The following IL7 variants were observed in gnomAD, a reference collection of about 807,000 sequenced individuals.
IL7 encodes the protein interleukin 7, also known as interleukin-7.
In IL7, 3 loss-of-function variants were observed where a neutral mutation model predicts 21.6. That is an observed-to-expected ratio of 0.14 (90% CI 0.06 to 0.36). The LOEUF is 0.36. IL7 is among the 10% of genes least tolerant of loss of function. IL7 has a pLI of 1.00. For synonymous variants in IL7, 62 were observed against 68.1 expected (o/e 0.91, Z 0.44); for missense variants, 175 against 200.2 (o/e 0.87, Z 0.76).
At chr8:78,788,201 C>T (rs1290603111) in intron 2 of IL7, among the ~76,000 whole-genome samples, 1 of 151,992 alleles carries the variant, frequency 6.6e-6, no homozygotes. Flanking sequence ...TTTCAAAGAA[C>T]CAGTTTTGGT....
chr8:78,772,591 A>T (rs1812995173), intron 2 of IL7, among the ~76,000 whole-genome samples: 1 of 152,128 alleles, frequency 6.6e-6, no homozygotes, highest in Admixed American at 6.6e-5. Flanking sequence ...GGAAACTGCG[A>T]CTTTAAGTAA....
chr8:78,804,936 C>G lies in IL7; in HGVS notation c.-14G>C. On this transcript the variant is annotated 5_prime_UTR_variant, in exon 1 of 6. Transcript: ENST00000263851. ...ACCATGGAACATGGTCTGCGGGAGG[C>G]GGGCGTAGTCATGATGACCGCAACT... The G allele has an allele frequency of 6.2e-7, 1 of 1,611,206 alleles. No individual in the cohort carries two copies. Among genetic ancestry groups the G allele is most frequent in the African/African-American group, 1.3e-5 (1 of 74,968 alleles).
At chr8:78,804,856 G>C in intron 1 of IL7, 57 bp downstream of exon 1, 1 of 1,608,568 alleles carries the variant, frequency 6.2e-7, no homozygotes, top group South Asian at 1.1e-5. Flanking sequence ...AGCGCGTCTG[G>C]GATTGCCCCG....
At chr8:78,715,431 C>T, downstream of IL7, 1 of 1,105,910 alleles carries the variant, frequency 9.0e-7, no homozygotes, top group Non-Finnish European at 1.2e-6. Flanking sequence ...TTATAGAAAA[C>T]CTGATTTTTT....
chr8:78,731,022 G>A (rs926564975), downstream of IL7, among the ~76,000 whole-genome samples: 7 of 151,888 alleles, frequency 4.6e-5, no homozygotes, highest in African/African-American at 1.2e-4. Context: ...AAGATTGCCC[G>A]TACAGAACAC....
At chr8:78,723,396 C>G (rs568028098) in intron 3 of IL7, among the ~76,000 whole-genome samples, 22 of 151,930 alleles carry the variant, frequency 1.4e-4, no homozygotes, top group Non-Finnish European at 2.9e-4. Flanking sequence ...TCACTGGCAA[C>G]CTTAAAATTA....
exon 5 of IL7, chr8:78,675,891 G>A (rs1395841244): frequency 6.4e-7 from 1 of 1,564,618 alleles, no homozygotes; most frequent in Non-Finnish European, 8.8e-7. Context: ...GTACCTTTAT[G>A]GTTTTACAGA....
At chr8:78,712,031 T>A (rs1483875464) in intron 3 of IL7, 9 of 1,289,642 alleles carry the variant, frequency 7.0e-6, no homozygotes, top group Non-Finnish European at 1.0e-6. Context: ...ACGGGAAGAC[T>A]TGTGCAAAGG....
At chr8:78,789,181 TTTAA>T (rs1813606526) in intron 2 of IL7, among the ~76,000 whole-genome samples, 1 of 152,150 alleles carries the variant, frequency 6.6e-6, no homozygotes, top group Admixed American at 6.5e-5. Flanking sequence ...GTCTCTATCT[TTTAA>T]TTAGTCTATT....
downstream of IL7, among the ~76,000 whole-genome samples, chr8:78,716,053 A>G (rs1008338822): frequency 1.3e-5 from 2 of 150,890 alleles, no homozygotes; most frequent in African/African-American, 2.4e-5. Flanking sequence ...AAAAAAAAAA[A>G]AAGGCTGTTA....
At chr8:78,787,163 T>C (rs893563380) in intron 2 of IL7, among the ~76,000 whole-genome samples, 1 of 152,128 alleles carries the variant, frequency 6.6e-6, no homozygotes, top group Non-Finnish European at 1.5e-5. Context: ...CTCTAGCAAA[T>C]TAGTTAAACC....
At chr8:78,730,429 G>T (rs79788664), downstream of IL7, among the ~76,000 whole-genome samples, 1 of 151,510 alleles carries the variant, frequency 6.6e-6, no homozygotes, top group Non-Finnish European at 1.5e-5. Flanking sequence ...CTATTATTTG[G>T]TCAGAATCAA....
chr8:78,750,898 C>T (rs1032412482), intron 2 of IL7, among the ~76,000 whole-genome samples: 8 of 152,048 alleles, frequency 5.3e-5, no homozygotes, highest in African/African-American at 1.7e-4. Context: ...AATTAGACAA[C>T]AGACAAGAAC....
chr8:78,789,955 A>ACTAT (rs1212877426), intron 2 of IL7, among the ~76,000 whole-genome samples: 5 of 152,170 alleles, frequency 3.3e-5, no homozygotes, highest in African/African-American at 1.2e-4. Context: ...ACATCTGGGT[A>ACTAT]GAGATATCTA....
chr8:78,798,349 A>G (rs41308447), intron 1 of IL7, 141 bp from the exon 2 acceptor site: 19,136 of 589,498 alleles, frequency 0.032, 419 homozygotes, highest in Middle Eastern at 0.046. Flanking sequence ...AAGAACCTCA[A>G]AAGTTGAACT....
At chr8:78,755,305 T>A (rs1812312466) in intron 2 of IL7, among the ~76,000 whole-genome samples, 1 of 152,154 alleles carries the variant, frequency 6.6e-6, no homozygotes, top group Non-Finnish European at 1.5e-5. Context: ...GCTTTTGCTA[T>A]TCAAGTCCTT....
chr8:78,766,196 G>A (rs1352244257), intron 2 of IL7, among the ~76,000 whole-genome samples: 1 of 152,072 alleles, frequency 6.6e-6, no homozygotes, highest in East Asian at 1.9e-4. Flanking sequence ...GAATAGGAGA[G>A]GCACAAAGAA....
chr8:78,684,813 A>G (rs1370901511), intron 4 of IL7, among the ~76,000 whole-genome samples: 1 of 152,202 alleles, frequency 6.6e-6, no homozygotes, highest in Non-Finnish European at 1.5e-5. Flanking sequence ...AAGATACAAG[A>G]CTTCCACAAA....
chr8:78,704,047 A>T (rs1045813222), intron 3 of IL7, among the ~76,000 whole-genome samples: 16 of 152,066 alleles, frequency 1.1e-4, no homozygotes, highest in African/African-American at 3.4e-4. Context: ...TATGAAGCTT[A>T]GTTTGGCCTG....
Sources: allele counts gnomAD v4.1 joint callset (sites outside exome capture counted in the v4.1 genomes callset), GRCh38; gene constraint gnomAD v4.1.1; transcripts MANE v1.5; gene names NCBI Gene and HGNC (gene_info 2026-07-23, HGNC 2026-07-21).